Variants in PRELID2 observed in about 807,000 individuals in gnomAD.
PRELID2 encodes the protein PRELI domain containing 2.
PRELID2 carries 25 observed loss-of-function variants against 28.4 expected under a neutral mutation model. The observed-to-expected ratio is 0.88, with a 90% CI of 0.64 to 1.23. PRELID2 has a LOEUF of 1.23. PRELID2 is among the 50% of genes most tolerant of loss of function. The pLI, the probability that PRELID2 is intolerant of heterozygous loss-of-function variation, is 0.00. For synonymous variants in PRELID2, 76 were observed against 71.6 expected (o/e 1.06, Z -0.31); for missense variants, 201 against 214.4 (o/e 0.94, Z 0.39).
At chr5:145,531,227 G>A (rs1259134553) in intron 1 of PRELID2, among the ~76,000 whole-genome samples, 1 of 152,098 alleles carries the variant, frequency 6.6e-6, no homozygotes, top group African/African-American at 2.4e-5. Flanking sequence ...GGAAGTGGGG[G>A]AAGGACACCT....
At chr5:145,631,700 C>T (rs556455932) in intron 1 of PRELID2, among the ~76,000 whole-genome samples, 19 of 152,102 alleles carry the variant, frequency 1.2e-4, no homozygotes, top group South Asian at 4.2e-4. Context: ...TGTCAATGAA[C>T]GAATAACTAA....
intron 1 of PRELID2, among the ~76,000 whole-genome samples, chr5:145,560,262 G>A (rs1752915546): frequency 1.3e-5 from 2 of 152,166 alleles, no homozygotes; most frequent in Non-Finnish European, 2.9e-5. Context: ...GTACTAATAA[G>A]TGCTGTTCCA....
chr5:145,745,866 A>AAATAAATG (rs1756978114), intron 1 of PRELID2, among the ~76,000 whole-genome samples: 1 of 150,872 alleles, frequency 6.6e-6, no homozygotes, highest in African/African-American at 2.4e-5. Flanking sequence ...TCATCTCAAA[A>AAATAAATG]AAAAAAATGA....
At chr5:145,496,358 T>C (rs572192925) in intron 1 of PRELID2, among the ~76,000 whole-genome samples, 1 of 152,262 alleles carries the variant, frequency 6.6e-6, no homozygotes, top group East Asian at 1.9e-4. Context: ...TATAAACTTG[T>C]AGGTCACAAA....
chr5:145,623,387 G>T (rs547830951), intron 1 of PRELID2, among the ~76,000 whole-genome samples: 2 of 151,794 alleles, frequency 1.3e-5, no homozygotes, highest in Non-Finnish European at 2.9e-5. Flanking sequence ...GGCAGAGGTT[G>T]CAGTGAGCCA....
the PRELID2 span, among the ~76,000 whole-genome samples, chr5:145,389,813 T>C: frequency 0.63 from 95,203 of 152,004 alleles, 30,111 homozygotes; most frequent in East Asian, 0.89. Context: ...CGAACAATAC[T>C]TTCATTTCTG....
intron 1 of PRELID2, among the ~76,000 whole-genome samples, chr5:145,564,595 A>G (rs1348477621): frequency 6.6e-6 from 1 of 152,038 alleles, no homozygotes; most frequent in African/African-American, 2.4e-5. Flanking sequence ...ACTGTTTTAA[A>G]TTTTATCTAT....
the PRELID2 span, among the ~76,000 whole-genome samples, chr5:145,275,280 A>T: frequency 2.0e-5 from 3 of 152,022 alleles, no homozygotes; most frequent in Admixed American, 1.3e-4. Flanking sequence ...ACCACAGGAG[A>T]TGGGGGGAAG....
the PRELID2 span, among the ~76,000 whole-genome samples, chr5:145,344,726 C>T: frequency 6.6e-6 from 1 of 151,970 alleles, no homozygotes; most frequent in South Asian, 2.1e-4. Flanking sequence ...AAAATCTATG[C>T]CAGTTAAATA....
chr5:145,596,626 A>G (rs6865168), intron 1 of PRELID2, among the ~76,000 whole-genome samples: 5,282 of 152,106 alleles, frequency 0.035, 276 homozygotes, highest in African/African-American at 0.12. Flanking sequence ...AAGGATCAAA[A>G]AATGCACAGT....
chr5:145,585,241 C>T (rs1425398654), intron 1 of PRELID2, among the ~76,000 whole-genome samples: 1 of 152,044 alleles, frequency 6.6e-6, no homozygotes, highest in Admixed American at 6.6e-5. Flanking sequence ...ACAATGAGAA[C>T]ACATGGACAC....
intron 1 of PRELID2, among the ~76,000 whole-genome samples, chr5:145,604,370 T>G (rs1164038071): frequency 6.6e-6 from 1 of 152,148 alleles, no homozygotes; most frequent in East Asian, 1.9e-4. Flanking sequence ...TGTGCACTAG[T>G]TCGCTTAGGA....
intron 1 of PRELID2, among the ~76,000 whole-genome samples, chr5:145,659,039 T>C (rs1754444378): frequency 6.6e-6 from 1 of 151,926 alleles, no homozygotes; most frequent in Admixed American, 6.6e-5. Flanking sequence ...ACTGGGAAAA[T>C]GAACCTACAG....
the PRELID2 span, among the ~76,000 whole-genome samples, chr5:145,344,782 T>G: frequency 6.6e-6 from 1 of 152,122 alleles, no homozygotes; most frequent in Admixed American, 6.6e-5. Context: ...GCAAGTTTTC[T>G]TACTGATAAT....
At chr5:145,587,363 G>A (rs909404349) in intron 1 of PRELID2, among the ~76,000 whole-genome samples, 3 of 152,046 alleles carry the variant, frequency 2.0e-5, no homozygotes, top group Non-Finnish European at 2.9e-5. Context: ...TCTAGCCTTC[G>A]GGCCCGGGTG....
chr5:145,309,520 T>G, the PRELID2 span, among the ~76,000 whole-genome samples: 1 of 152,202 alleles, frequency 6.6e-6, no homozygotes, highest in Non-Finnish European at 1.5e-5. Flanking sequence ...GAGCCAGTTG[T>G]ACCAAATATT....
At chr5:145,238,010 A>T in the PRELID2 span, among the ~76,000 whole-genome samples, 1 of 152,208 alleles carries the variant, frequency 6.6e-6, no homozygotes, top group South Asian at 2.1e-4. Context: ...GGCATATTTC[A>T]TGTGGTAATC....
chr5:145,256,364 C>A, the PRELID2 span, among the ~76,000 whole-genome samples: 2 of 151,924 alleles, frequency 1.3e-5, no homozygotes, highest in Admixed American at 1.3e-4. Context: ...TGAGTCACTT[C>A]TATGTCTGTT....
intron 1 of PRELID2, among the ~76,000 whole-genome samples, chr5:145,550,766 T>C (rs1472462631): frequency 6.6e-6 from 1 of 152,184 alleles, no homozygotes; most frequent in Non-Finnish European, 1.5e-5. Flanking sequence ...TTCTTGATCA[T>C]TGGTGTTTTC....
Sources: allele counts gnomAD v4.1 joint callset (sites outside exome capture counted in the v4.1 genomes callset), GRCh38; gene constraint gnomAD v4.1.1; transcripts MANE v1.5; gene names NCBI Gene and HGNC (gene_info 2026-07-23, HGNC 2026-07-21).